TMEM219: variants seen among roughly 807,000 people sequenced by gnomAD.
The protein encoded by TMEM219 is insulin-like growth factor-binding protein 3 receptor.
In TMEM219, 18 loss-of-function variants were observed where a neutral mutation model predicts 17.9. The ratio of observed to expected loss-of-function variants is 1.01; its 90% confidence interval spans 0.70 to 1.49. TMEM219 has a LOEUF of 1.49. TMEM219 is among the 40% of genes most tolerant of loss of function. TMEM219 has a pLI of 0.00. For missense variants in TMEM219, 288 were observed against 292.4 expected (o/e 0.99, Z 0.11); for synonymous variants, 113 against 124.0 (o/e 0.91, Z 0.59).
At chr16:29,962,366 C>T (rs1324351601) in intron 1 of TMEM219, among the ~76,000 whole-genome samples, 2 of 152,132 alleles carry the variant, frequency 1.3e-5, no homozygotes, top group South Asian at 4.1e-4. Flanking sequence ...TTCCCCCGAC[C>T]CCTGTTTATC....
intron 4 of TMEM219, among the ~76,000 whole-genome samples, chr16:29,971,107 G>A (rs564321191): frequency 3.4e-4 from 52 of 151,956 alleles, no homozygotes; most frequent in African/African-American, 1.2e-3. Flanking sequence ...TGAGCCAGGC[G>A]TGGTGGCGGG....
intron 3 of TMEM219, among the ~76,000 whole-genome samples, chr16:29,965,140 C>G (rs906809438): frequency 6.6e-6 from 1 of 152,066 alleles, no homozygotes; most frequent in African/African-American, 2.4e-5. Flanking sequence ...GACATTTGGC[C>G]TTATCTAAAA....
chr16:29,968,195 G>A lies in TMEM219; in HGVS notation c.526G>A (p.Glu176Lys). 6.2e-7 allele frequency: 1 copy of A among 1,614,220 alleles called. No homozygotes were observed. Among genetic ancestry groups the A allele is most frequent in the Non-Finnish European group, 8.5e-7 (1 of 1,180,032 alleles). The change falls in exon 4 of 6, where the codon GAG becomes AAG. Residue 176 changes from glutamate (E) to lysine (K), a missense_variant. Physicochemically the swap from Glu to Lys is moderately conservative, Grantham distance 56. Coordinates refer to ENST00000279396, the MANE Select transcript of TMEM219 (RefSeq NM_001083613.2). ...GNATLSPRMG[E>K]ECVSVWSHEG... ...TGCCACCCTGAGCCCTAGAATGGGT[G>A]AGGAATGTGTTAGTGTCTGGAGCCA... is the stretch of plus-strand genomic sequence containing the variant.
chr16:29,964,023 A>G (rs1348549053), intron 3 of TMEM219, among the ~76,000 whole-genome samples: 1 of 152,088 alleles, frequency 6.6e-6, no homozygotes, highest in Non-Finnish European at 1.5e-5. Flanking sequence ...TCTACTAGAA[A>G]TACAAAAATT....
In TMEM219 at chr16:29,971,598, T is replaced by C; in HGVS notation, c.*33+20T>C. The C allele has an allele frequency of 1.5e-6, 2 of 1,379,290 alleles. No homozygotes were observed. Among genetic ancestry groups the C allele is most frequent in the South Asian group, 1.2e-5 (1 of 80,568 alleles). 85.4% of individuals were successfully genotyped at this position (1,379,290 alleles called of 1,614,324 possible). A position where few individuals can be genotyped will look rare whatever the true frequency, so the allele number is the denominator to read the frequency against. ...TCTCAGGTGAGGTTCTTTGCTCCAG[T>C]CCTGCGGGAGCAGGGAATGGGGTGG... On this transcript the variant is annotated intron_variant, in intron 5 of 5. Transcript: ENST00000279396.
intron 3 of TMEM219, among the ~76,000 whole-genome samples, chr16:29,964,692 A>T (rs1337428162): frequency 1.3e-5 from 2 of 152,114 alleles, no homozygotes; most frequent in East Asian, 3.9e-4. Flanking sequence ...CGCCAAAAAA[A>T]AAAAAGTAAG....
At chr16:29,972,398 G>A (rs959615602) in intron 5 of TMEM219, among the ~76,000 whole-genome samples, 2 of 152,174 alleles carry the variant, frequency 1.3e-5, no homozygotes, top group African/African-American at 4.8e-5. Context: ...CAAGATCTTT[G>A]GAGGGAATCA....
At position 29,971,550 on chromosome 16, in the gene TMEM219, A is replaced by C. The variant is rs758529842; in HGVS notation, c.*5A>C. 1.6e-5 allele frequency: 25 copies of C among 1,580,112 alleles called. No individual in the cohort carries two copies. In the South Asian group the frequency reaches 2.6e-4, roughly 17 times the overall value. ...TGGTCTAGAACCCGGCTCTGAGGGC[A>C]CTGGCCTAGTTCCCGACTTGTTTCT... On this transcript the variant is annotated 3_prime_UTR_variant, in exon 5 of 6. Coordinates refer to ENST00000279396, the MANE Select transcript of TMEM219 (RefSeq NM_001083613.2).
chr16:29,970,013 C>T (rs1026369422), intron 4 of TMEM219, among the ~76,000 whole-genome samples: 2 of 152,028 alleles, frequency 1.3e-5, no homozygotes, highest in South Asian at 2.1e-4. Flanking sequence ...AGGCCAAGGC[C>T]GGTGGATCAC....
chr16:29,969,666 G>A (rs1385805868), intron 4 of TMEM219, among the ~76,000 whole-genome samples: 1 of 151,776 alleles, frequency 6.6e-6, no homozygotes, highest in East Asian at 1.9e-4. Context: ...TTGCCAGAGT[G>A]AGACCCTGTC....
At chr16:29,972,059 C>T (rs938256608) in intron 5 of TMEM219, 1 of 153,036 alleles carries the variant, frequency 6.5e-6, no homozygotes, top group Admixed American at 6.5e-5. Flanking sequence ...CATACACATT[C>T]TTTTGTGGCT....
At chr16:29,970,140 A>G (rs1249758713) in intron 4 of TMEM219, among the ~76,000 whole-genome samples, 1 of 150,914 alleles carries the variant, frequency 6.6e-6, no homozygotes, top group African/African-American at 2.4e-5. Flanking sequence ...AGGCTGAGGC[A>G]GGAGAATCTC....
Position 29,971,493 on chromosome 16 carries a change from C to G in TMEM219, c.671C>G (p.Ala224Gly). 1 of 1,614,076 alleles carries G rather than the reference C, an allele frequency of 6.2e-7. No homozygotes were observed. The highest frequency in any genetic ancestry group is 2.2e-5 in the East Asian group (1 of 44,866). ...TGTGGCCTTCTCTGCTGTGTCACTG[C>G]TATGTGCTTCCACCCGCGCCGGGAG... ...LFCGLLCCVTAMCFHPRRESH... is the reference protein window; with the variant it reads ...LFCGLLCCVTGMCFHPRRESH... The change falls in exon 5 of 6, where the codon GCT becomes GGT. Residue 224 changes from alanine (A) to glycine (G), a missense_variant. By Grantham distance (60) the Ala-to-Gly change is moderately conservative. Coordinates refer to ENST00000279396, the MANE Select transcript of TMEM219 (RefSeq NM_001083613.2).
rs528102728 is a variant in TMEM219 at position 29,967,905 on chromosome 16, T to C, written c.356-120T>C. The stretch of plus-strand genomic sequence containing the variant: ...TTGCGCCACTGCACTCCAGCCTGGG[T>C]GATAGAGCGAGACTCCGCCTCAAAA... On this transcript the variant is annotated intron_variant, in intron 3 of 5. Transcript: ENST00000279396. 328 of 742,986 alleles carry C rather than the reference T, an allele frequency of 4.4e-4. 4 individuals carry two copies. In the East Asian group the frequency reaches 8.0e-3, roughly 18 times the overall value. The allele number at this position is 742,986 out of a possible 1,614,324, so 46.0% of individuals were successfully genotyped here.
chr16:29,971,431 C>T lies in TMEM219; in HGVS notation c.609C>T (p.Ser203=). The T allele has an allele frequency of 6.2e-7, 1 of 1,614,162 alleles. No homozygotes were observed. The highest frequency in any genetic ancestry group is 1.7e-5 in the Admixed American group (1 of 60,028). The change falls in exon 5 of 6, where the codon TCC becomes TCT. Residue 203 remains serine, a synonymous_variant. Coordinates refer to ENST00000279396, the MANE Select transcript of TMEM219 (RefSeq NM_001083613.2). ...AGGAGGAGCTGGCTCTGTGTGGCTC[C>T]AGGCTGCTGGTCTTGGGCTCCTTCC... ...LTSEELALCG[S]RLLVLGSFLL...
intron 4 of TMEM219, among the ~76,000 whole-genome samples, chr16:29,970,787 AC>A (rs1351656829): frequency 6.6e-6 from 1 of 152,032 alleles, no homozygotes; most frequent in Non-Finnish European, 1.5e-5. Flanking sequence ...AAAAAAACAC[AC>A]AAAAAATTAG....
chr16:29,965,373 T>G (rs1161206840), intron 3 of TMEM219, among the ~76,000 whole-genome samples: 1 of 152,122 alleles, frequency 6.6e-6, no homozygotes, highest in Non-Finnish European at 1.5e-5. Flanking sequence ...AATAGATATA[T>G]AATAGTTTTA....
In TMEM219 at chr16:29,967,702, C is replaced by T. The variant is rs148673597; in HGVS notation, c.356-323C>T. ...CAGCACTTTGGGAGGCCAAGGCGGG[C>T]GGATCACGAGGTCAGGAGATCAAGA... On this transcript the variant is annotated intron_variant, in intron 3 of 5. Coordinates refer to ENST00000279396, the MANE Select transcript of TMEM219 (RefSeq NM_001083613.2). 3.6e-3 allele frequency among the ~76,000 whole-genome samples: 548 copies of T among 152,176 alleles called. 4 individuals carry two copies. Among genetic ancestry groups the T allele is most frequent in the African/African-American group, 0.011 (477 of 41,532 alleles).
chr16:29,965,562 TAC>T (rs1228806421), intron 3 of TMEM219, among the ~76,000 whole-genome samples: 5 of 22,480 alleles, frequency 2.2e-4, no homozygotes, highest in Admixed American at 1.3e-3. Context: ...CTACTAAAAA[TAC>T]AAAAAAAAAA....
Sources: gnomAD v4.1 joint callset for allele counts (sites outside exome capture counted in the v4.1 genomes callset) on GRCh38, gnomAD v4.1.1 for gene constraint, MANE v1.5 for transcripts, NCBI Gene and HGNC (gene_info 2026-07-23, HGNC 2026-07-21) for gene names.